WIPI1: variants seen among roughly 807,000 people sequenced by gnomAD.
WIPI1 encodes the protein WD repeat domain phosphoinositide-interacting protein 1.
WIPI1 carries 45 observed loss-of-function variants against 55.3 expected under a neutral mutation model. That is an observed-to-expected ratio of 0.81 (90% CI 0.64 to 1.04). WIPI1 has a LOEUF of 1.04. WIPI1 is among the 50% of genes least tolerant of loss of function. The pLI is 0.00. For synonymous variants in WIPI1, 195 were observed against 217.6 expected (o/e 0.90, Z 0.92); for missense variants, 445 against 559.0 (o/e 0.80, Z 2.06).
chr17:68,427,472 T>C lies in WIPI1; in HGVS notation c.1074-219A>G, dbSNP rs3785607. ...CCTGGGTTCAAGCGATTCTCCTGCCTCAGCCTCCCGAGTAGCTGCGACTAC... is the reference window on the plus strand; with the variant it reads ...CCTGGGTTCAAGCGATTCTCCTGCCCCAGCCTCCCGAGTAGCTGCGACTAC... On this transcript the variant is annotated intron_variant, in intron 10 of 12. Coordinates refer to ENST00000262139, the MANE Select transcript of WIPI1 (RefSeq NM_017983.7). 3,938 of 349,726 alleles carry C rather than the reference T, an allele frequency of 0.011. 244 individuals are homozygous for C. In the East Asian group the frequency reaches 0.17, roughly 15 times the overall value. 21.7% of individuals were successfully genotyped at this position (349,726 alleles called of 1,614,324 possible).
At chr17:68,431,671 G>A (rs1276214012) in intron 8 of WIPI1, among the ~76,000 whole-genome samples, 1 of 15,080 alleles carries the variant, frequency 6.6e-5, no homozygotes. Flanking sequence ...GGACCAGCAC[G>A]AGGTGCTAAA....
At position 68,422,055 on chromosome 17, in the gene WIPI1, G is replaced by T. The variant is rs148993949; in HGVS notation, c.1294-235C>A. On this transcript the variant is annotated intron_variant, in intron 12 of 12. Coordinates refer to ENST00000262139, the MANE Select transcript of WIPI1 (RefSeq NM_017983.7). ...TATAAAAATGTCTCTGTGTGTGTGT[G>T]TATGTATTTATATGTATATGTATAT... is the stretch of plus-strand genomic sequence containing the variant. The T allele has an allele frequency of 1.0e-3, 553 of 553,760 alleles. 3 individuals carry two copies. Among genetic ancestry groups the T allele is most frequent in the African/African-American group, 9.9e-3 (523 of 52,972 alleles). The allele number at this position is 553,760 out of a possible 1,614,324, so 34.3% of individuals were successfully genotyped here.
At position 68,436,499 on chromosome 17, in the gene WIPI1, A is replaced by G. The variant is rs754556976; in HGVS notation, c.431-20T>C. 6 of 1,609,148 alleles carry G rather than the reference A, an allele frequency of 3.7e-6. No homozygotes were observed. Among genetic ancestry groups the G allele is most frequent in the Middle Eastern group, 1.6e-4 (1 of 6,074 alleles). On this transcript the variant is annotated intron_variant, in intron 4 of 12. Transcript: ENST00000262139. Reference sequence around the variant, plus strand: ...ATAGACCTGGCAAAGAAGAAACAGAACATGAGAAGCCTGGGGCCAAGGGAG... The same window carrying G: ...ATAGACCTGGCAAAGAAGAAACAGAGCATGAGAAGCCTGGGGCCAAGGGAG...
chr17:68,427,154 A>G lies in WIPI1; in HGVS notation c.1173T>C (p.Ser391=), dbSNP rs777157809. 6.8e-6 allele frequency: 11 copies of G among 1,613,930 alleles called. No individual in the cohort carries two copies. Among genetic ancestry groups the G allele is most frequent in the Non-Finnish European group, 9.3e-6 (11 of 1,179,984 alleles). Reference sequence around the variant, plus strand: ...ACCCACCTGGCACCGTGGAGGCTGAAGATGCACTTGGTCTGGCTACGGTCG... The same window carrying G: ...ACCCACCTGGCACCGTGGAGGCTGAGGATGCACTTGGTCTGGCTACGGTCG... ...YAATVARPSA[S]SASTVPGYSE... The change falls in exon 11 of 13, where the codon TCT becomes TCC. Residue 391 remains serine, a synonymous_variant. Coordinates refer to ENST00000262139, the MANE Select transcript of WIPI1 (RefSeq NM_017983.7).
Position 68,436,496 on chromosome 17 carries a change from A to G in WIPI1, c.431-17T>C. On this transcript the variant is annotated splice_polypyrimidine_tract_variant and intron_variant, in intron 4 of 12. Transcript: ENST00000262139. ...CACATAGACCTGGCAAAGAAGAAACAGAACATGAGAAGCCTGGGGCCAAGG... is the reference window on the plus strand; with the variant it reads ...CACATAGACCTGGCAAAGAAGAAACGGAACATGAGAAGCCTGGGGCCAAGG... The G allele has an allele frequency of 6.2e-7, 1 of 1,610,482 alleles. No homozygotes were observed. Among genetic ancestry groups the G allele is most frequent in the Non-Finnish European group, 8.5e-7 (1 of 1,176,854 alleles).
intron 4 of WIPI1, among the ~76,000 whole-genome samples, chr17:68,440,208 A>G (rs1600339704): frequency 6.6e-6 from 1 of 152,258 alleles, no homozygotes; most frequent in Non-Finnish European, 1.5e-5. Context: ...CTGCCTTCCT[A>G]CCCTTACAGA....
intron 2 of WIPI1, 78 bp from the exon 3 acceptor site, chr17:68,450,975 C>T (rs572204039): frequency 9.2e-6 from 14 of 1,516,802 alleles, no homozygotes; most frequent in East Asian, 7.0e-5. Context: ...ACACTGGGCC[C>T]GGCGCAGGCC....
At chr17:68,448,677 A>G (rs944271486) in intron 3 of WIPI1, among the ~76,000 whole-genome samples, 6 of 152,232 alleles carry the variant, frequency 3.9e-5, no homozygotes, top group African/African-American at 1.4e-4. Context: ...CGGTCTTTAC[A>G]GATCATTTGC....
chr17:68,436,233 A>G, intron 5 of WIPI1, 149 bp downstream of exon 5: 1 of 698,464 alleles, frequency 1.4e-6, no homozygotes. Flanking sequence ...CCCGAGGGGA[A>G]ATAGTATCAC....
chr17:68,426,254 G>GCCCCCCCCCCCCC, intron 11 of WIPI1, 79 bp from the exon 12 acceptor site: 4 of 816,900 alleles, frequency 4.9e-6, no homozygotes, highest in East Asian at 3.5e-5. Context: ...GGGAGCGGGG[G>GCCCCCCCCCCCCC]CTCAAATAAA....
At chr17:68,439,218 T>C (rs2083969081) in intron 4 of WIPI1, among the ~76,000 whole-genome samples, 1 of 152,104 alleles carries the variant, frequency 6.6e-6, no homozygotes, top group South Asian at 2.1e-4. Context: ...AGTCAAAAAG[T>C]GGAAATAACC....
rs2082913085 is a variant in WIPI1 at position 68,423,066 on chromosome 17, A to G, written c.1294-1246T>C. Among the ~76,000 whole-genome samples, 1 of 152,200 alleles carries G rather than the reference A, an allele frequency of 6.6e-6. No homozygotes were observed. The highest frequency in any genetic ancestry group is 6.5e-5 in the Admixed American group (1 of 15,278). Reference sequence around the variant, plus strand: ...AGGCAGCGGCTCACAGAGCTCCTGTAGCAGACTACTCAGGCAAGCCTATGT... The same window carrying G: ...AGGCAGCGGCTCACAGAGCTCCTGTGGCAGACTACTCAGGCAAGCCTATGT... On this transcript the variant is annotated intron_variant, in intron 12 of 12. Transcript: ENST00000262139. This position sits in a 1 kb window ranked among gnomAD's most constrained non-coding sequence, Gnocchi z 4.4.
chr17:68,441,329 C>A lies in WIPI1; in HGVS notation c.430+3164G>T, dbSNP rs138309715. On this transcript the variant is annotated intron_variant, in intron 4 of 12. Transcript: ENST00000262139. ...GCTGCGTTAGATACCAAGTGTGAGG[C>A]AACAGGCGAACTCTGTATAGCTAAT... Among the ~76,000 whole-genome samples the A allele has an allele frequency of 1.5e-3, 233 of 152,338 alleles. 1 individual carries two copies. Among genetic ancestry groups the A allele is most frequent in the Non-Finnish European group, 2.7e-3 (181 of 68,028 alleles).
At chr17:68,457,258 G>A in intron 1 of WIPI1, 84 bp downstream of exon 1, 12 of 1,482,828 alleles carry the variant, frequency 8.1e-6, no homozygotes, top group Non-Finnish European at 1.1e-5. Context: ...CGAGGCGGAA[G>A]CCACAAGCTG....
At position 68,423,571 on chromosome 17, in the gene WIPI1, G is replaced by T. The variant is rs189093992; in HGVS notation, c.1294-1751C>A. On this transcript the variant is annotated intron_variant, in intron 12 of 12. Coordinates refer to ENST00000262139, the MANE Select transcript of WIPI1 (RefSeq NM_017983.7). This position sits in a 1 kb window ranked among gnomAD's most constrained non-coding sequence, Gnocchi z 4.4. ...CTCACTGGCAGGAAGTATTTCTTGC[G>T]TATAAATAAGAATTCCTGATGCAAT... Among the ~76,000 whole-genome samples, 3 of 152,152 alleles carry T rather than the reference G, an allele frequency of 2.0e-5. No individual in the cohort carries two copies. Among genetic ancestry groups the T allele is most frequent in the Admixed American group, 6.5e-5 (1 of 15,272 alleles).
intron 9 of WIPI1, 136 bp downstream of exon 9, chr17:68,429,860 A>T: frequency 2.3e-6 from 3 of 1,287,226 alleles, no homozygotes; most frequent in Non-Finnish European, 3.3e-6. Context: ...AGGTTCCGGG[A>T]TTACAGATGT....
intron 2 of WIPI1, 112 bp from the exon 3 acceptor site, chr17:68,451,009 T>C: frequency 7.1e-7 from 1 of 1,413,078 alleles, no homozygotes; most frequent in Non-Finnish European, 9.4e-7. Context: ...TCTCCGGGTC[T>C]TGCCGGCCAG....
At chr17:68,426,251 G>GGGGGGGC in intron 11 of WIPI1, 76 bp from the exon 12 acceptor site, 1 of 825,460 alleles carries the variant, frequency 1.2e-6, no homozygotes, top group Non-Finnish European at 1.9e-6. Context: ...GTGGGGAGCG[G>GGGGGGGC]GGGCTCAAAT....
chr17:68,437,947 TTAAA>T lies in WIPI1; in HGVS notation c.431-1472_431-1469del, dbSNP rs1449693476. Reference sequence around the variant, plus strand: ...AGATCACGCAAGAGAGACATCTCTCTTAAAAAAAAAAAAAAAAAAAAAAAAAGTG... The same window carrying T: ...AGATCACGCAAGAGAGACATCTCTCTAAAAAAAAAAAAAAAAAAAAAAGTG... On this transcript the variant is annotated intron_variant, in intron 4 of 12. Coordinates refer to ENST00000262139, the MANE Select transcript of WIPI1 (RefSeq NM_017983.7). Among the ~76,000 whole-genome samples, 10 of 58,786 alleles carry T rather than the reference TTAAA, an allele frequency of 1.7e-4. No homozygotes were observed. In the South Asian group the frequency reaches 1.9e-3, roughly 11 times the overall value. The allele number at this position is 58,786 out of a possible 152,430, so 38.6% of individuals were successfully genotyped here. A position where few individuals can be genotyped will look rare whatever the true frequency, so the allele number is the denominator to read the frequency against.
Sources: gnomAD v4.1 joint callset for allele counts (sites outside exome capture counted in the v4.1 genomes callset) on GRCh38, gnomAD v4.1.1 for gene constraint, Gnocchi (gnomAD v3.1) non-coding constraint, MANE v1.5 for transcripts, NCBI Gene and HGNC (gene_info 2026-07-23, HGNC 2026-07-21) for gene names.